Variants in SLAMF1 observed in about 807,000 individuals in gnomAD.
SLAMF1 encodes the protein signaling lymphocytic activation molecule family member 1.
A neutral mutation model predicts 35.1 loss-of-function variants in SLAMF1; 18 were observed. That is an observed-to-expected ratio of 0.51 (90% CI 0.35 to 0.76). The LOEUF (loss-of-function observed/expected upper bound fraction) is 0.76, where lower values mean the gene tolerates loss of function less well. SLAMF1 is among the 30% of genes least tolerant of loss of function. The pLI, the probability that SLAMF1 is intolerant of heterozygous loss-of-function variation, is 0.01. For missense variants in SLAMF1, 392 were observed against 413.0 expected (o/e 0.95, Z 0.44); for synonymous variants, 168 against 157.2 (o/e 1.07, Z -0.51).
At chr1:160,620,929 A>G (rs1289618858) in intron 4 of SLAMF1, among the ~76,000 whole-genome samples, 4 of 152,368 alleles carry the variant, frequency 2.6e-5, no homozygotes, top group African/African-American at 9.6e-5. Flanking sequence ...CTACCATATT[A>G]GACAATGCAG....
In SLAMF1 at chr1:160,609,476, A is replaced by G. The variant is rs1181397955; in HGVS notation, c.*1272T>C. On this transcript the variant is annotated 3_prime_UTR_variant, in exon 7 of 7. Coordinates refer to ENST00000302035, the MANE Select transcript of SLAMF1 (RefSeq NM_003037.5). ...GGAGGTAAGATACAAGGCAATAAGG[A>G]CCTGAGTTTTGAGCTGGGAAGTTGG... The G allele has an allele frequency of 6.6e-6, 1 of 152,220 alleles. No individual in the cohort carries two copies. The highest frequency in any genetic ancestry group is 1.5e-5 in the Non-Finnish European group (1 of 68,038). 9.4% of individuals were successfully genotyped at this position (152,220 alleles called of 1,614,324 possible). A position where few individuals can be genotyped will look rare whatever the true frequency, so the allele number is the denominator to read the frequency against.
At chr1:160,643,206 A>T (rs555292950) in intron 1 of SLAMF1, among the ~76,000 whole-genome samples, 1 of 152,290 alleles carries the variant, frequency 6.6e-6, no homozygotes, top group Non-Finnish European at 1.5e-5. Flanking sequence ...TCTGCTCCTT[A>T]TTCCAACACT....
chr1:160,617,008 G>A (rs777984484), intron 5 of SLAMF1, among the ~76,000 whole-genome samples: 3 of 151,908 alleles, frequency 2.0e-5, no homozygotes, highest in Non-Finnish European at 4.4e-5. Flanking sequence ...ATACAACAAT[G>A]AGCCAGGTGT....
chr1:160,632,149 T>C (rs1203307636), intron 3 of SLAMF1, among the ~76,000 whole-genome samples: 1 of 152,126 alleles, frequency 6.6e-6, no homozygotes, highest in Non-Finnish European at 1.5e-5. Context: ...AGCCACTCAG[T>C]GTGTGGTCCT....
At chr1:160,614,318 G>C (rs1471626555) in intron 5 of SLAMF1, among the ~76,000 whole-genome samples, 1 of 152,204 alleles carries the variant, frequency 6.6e-6, no homozygotes, top group African/African-American at 2.4e-5. Flanking sequence ...GCTCACGCCT[G>C]TAATCCCAGC....
chr1:160,627,917 G>A (rs1659963543), intron 3 of SLAMF1, among the ~76,000 whole-genome samples: 1 of 152,088 alleles, frequency 6.6e-6, no homozygotes, highest in South Asian at 2.1e-4. Flanking sequence ...TCATGGGGTG[G>A]TTTCCCCCAT....
At chr1:160,631,656 C>T (rs910484162) in intron 3 of SLAMF1, among the ~76,000 whole-genome samples, 1 of 151,750 alleles carries the variant, frequency 6.6e-6, no homozygotes, top group Non-Finnish European at 1.5e-5. Context: ...CAAAGAGACA[C>T]CAGGAAAGAG....
rs1658836298 is a variant in SLAMF1, at chr1:160,608,908, A to T, written c.*1840T>A. 1 of 152,222 alleles carries T rather than the reference A, an allele frequency of 6.6e-6. No homozygotes were observed. Among genetic ancestry groups the T allele is most frequent in the Non-Finnish European group, 1.5e-5 (1 of 68,050 alleles). The allele number at this position is 152,222 out of a possible 1,614,324, so 9.4% of individuals were successfully genotyped here. ...TATTATTTGTAGAATTCCTTAATTC[A>T]TAAGAAGTGAAAGTGGAAAATGCCA... On this transcript the variant is annotated 3_prime_UTR_variant, in exon 7 of 7. Coordinates refer to ENST00000302035, the MANE Select transcript of SLAMF1 (RefSeq NM_003037.5).
chr1:160,641,716 G>A (rs531967502), intron 1 of SLAMF1, among the ~76,000 whole-genome samples: 1 of 152,216 alleles, frequency 6.6e-6, no homozygotes, highest in South Asian at 2.1e-4. Context: ...TAAGCACAAG[G>A]TGGAAAAATA....
intron 3 of SLAMF1, among the ~76,000 whole-genome samples, chr1:160,633,952 T>C (rs1298065658): frequency 6.6e-6 from 1 of 152,186 alleles, no homozygotes; most frequent in Non-Finnish European, 1.5e-5. Context: ...CAAAAGAGAT[T>C]ACACAGTTGA....
intron 3 of SLAMF1, among the ~76,000 whole-genome samples, chr1:160,626,611 G>A (rs1331026142): frequency 6.6e-6 from 1 of 152,156 alleles, no homozygotes. Context: ...AGGACACTGA[G>A]ACACAGACAG....
Position 160,634,901 on chromosome 1 carries a change from T to C in SLAMF1, c.416-4A>G, listed in dbSNP as rs1230914532. The C allele has an allele frequency of 6.2e-7, 1 of 1,603,554 alleles. No individual in the cohort carries two copies. Among genetic ancestry groups the C allele is most frequent in the Non-Finnish European group, 8.5e-7 (1 of 1,172,470 alleles). Reference sequence around the variant, plus strand: ...ATTTCTGGAGTGGAGACCTGCTCTGTCAGGAGTGGGAGGAAGGGAGCCATC... The same window carrying C: ...ATTTCTGGAGTGGAGACCTGCTCTGCCAGGAGTGGGAGGAAGGGAGCCATC... On this transcript the variant is annotated splice_polypyrimidine_tract_variant and splice_region_variant and intron_variant, in intron 2 of 6. Transcript: ENST00000302035.
At chr1:160,636,891 C>T in intron 2 of SLAMF1, 1 of 354,530 alleles carries the variant, frequency 2.8e-6, no homozygotes, top group Non-Finnish European at 5.1e-6. Flanking sequence ...ATATTACTTG[C>T]AAACCAAGAT....
chr1:160,627,047 A>G (rs1239167475), intron 3 of SLAMF1, among the ~76,000 whole-genome samples: 1 of 152,130 alleles, frequency 6.6e-6, no homozygotes, highest in Non-Finnish European at 1.5e-5. Context: ...CATCATCTTT[A>G]CCATGCAGAC....
At position 160,608,332 on chromosome 1, in the gene SLAMF1, G is replaced by A. The variant is rs1195471742; in HGVS notation, c.*2416C>T. Reference sequence around the variant, plus strand: ...AACCGAGAATGGGTGTGTTCCTCCTGACTTCTCTAGAATTCAGACATGCTT... The same window carrying A: ...AACCGAGAATGGGTGTGTTCCTCCTAACTTCTCTAGAATTCAGACATGCTT... On this transcript the variant is annotated 3_prime_UTR_variant, in exon 7 of 7. Coordinates refer to ENST00000302035, the MANE Select transcript of SLAMF1 (RefSeq NM_003037.5). 1.3e-5 allele frequency: 2 copies of A among 152,178 alleles called. No individual in the cohort carries two copies. The highest frequency in any genetic ancestry group is 2.9e-5 in the Non-Finnish European group (2 of 68,042). The allele number at this position is 152,178 out of a possible 1,614,324, so 9.4% of individuals were successfully genotyped here.
chr1:160,644,233 T>A (rs751528355), intron 1 of SLAMF1, among the ~76,000 whole-genome samples: 1 of 152,196 alleles, frequency 6.6e-6, no homozygotes, highest in Non-Finnish European at 1.5e-5. Context: ...GGGACCTGGA[T>A]ACAAATTTTG....
chr1:160,632,817 G>A (rs372550111), intron 3 of SLAMF1, among the ~76,000 whole-genome samples: 1 of 151,954 alleles, frequency 6.6e-6, no homozygotes. Context: ...GGTTTATAAG[G>A]CATTTTAAGT....
At chr1:160,620,741 G>A (rs1404784859) in intron 4 of SLAMF1, among the ~76,000 whole-genome samples, 1 of 152,154 alleles carries the variant, frequency 6.6e-6, no homozygotes, top group African/African-American at 2.4e-5. Context: ...TATCCCTGTA[G>A]ATCAGCTCTG....
chr1:160,637,516 C>G lies in SLAMF1; in HGVS notation c.90G>C (p.Met30Ile). The G allele has an allele frequency of 1.2e-6, 2 of 1,609,348 alleles. No homozygotes were observed. The highest frequency in any genetic ancestry group is 1.7e-6 in the Non-Finnish European group (2 of 1,179,444). The stretch of plus-strand genomic sequence containing the variant: ...ACTGCCGGAGAATCTTTGGGCAGTT[C>G]ATCATGCGCCCACCTGTGGGAGGGA... The part of the protein sequence containing the change: ...GASYGTGGRM[M>I]NCPKILRQLG... The change falls in exon 2 of 7, where the codon ATG (methionine) becomes ATC (isoleucine). Residue 30 changes from methionine (M) to isoleucine (I), a missense_variant. Coordinates refer to ENST00000302035, the MANE Select transcript of SLAMF1 (RefSeq NM_003037.5).
Sources: gnomAD v4.1 joint callset for allele counts (sites outside exome capture counted in the v4.1 genomes callset) on GRCh38, gnomAD v4.1.1 for gene constraint, MANE v1.5 for transcripts, NCBI Gene and HGNC (gene_info 2026-07-23, HGNC 2026-07-21) for gene names.